The following RORA variants were observed in gnomAD, a reference collection of about 807,000 sequenced individuals.
RORA encodes the protein nuclear receptor ROR-alpha.
A neutral mutation model predicts 69.5 loss-of-function variants in RORA; 7 were observed. The observed-to-expected ratio is 0.10, with a 90% confidence interval of 0.06 to 0.19. The LOEUF is 0.19. Ranked by LOEUF, RORA falls within the 10% of genes least tolerant of loss-of-function variation. The pLI is 1.00. For missense variants in RORA, 457 were observed against 663.0 expected, an observed-to-expected ratio of 0.69 and a Z score of 3.41; for synonymous variants, 261 against 240.8, an observed-to-expected ratio of 1.08 and a Z score of -0.78.
intron 5 of RORA, chr15:60,510,268 T>C (rs2065653136): frequency 6.6e-6 from 1 of 152,198 alleles, no homozygotes; most frequent in Non-Finnish European, 1.5e-5. Context: ...CAGATCAAAT[T>C]TAAAAACTAC....
intron 1 of RORA, among the ~76,000 whole-genome samples, chr15:60,934,075 C>T (rs922780): frequency 0.16 from 24,574 of 152,206 alleles, 2,023 homozygotes; most frequent in Admixed American, 0.21. Flanking sequence ...GGGTGGGTCA[C>T]AGTGCCCTCT....
intron 1 of RORA, among the ~76,000 whole-genome samples, chr15:60,769,555 T>C (rs190801676): frequency 6.6e-6 from 1 of 152,296 alleles, no homozygotes. Context: ...CCTTGAATGT[T>C]CTAGTCACCA....
chr15:60,833,945 C>T (rs780318827), intron 1 of RORA, among the ~76,000 whole-genome samples: 3 of 152,162 alleles, frequency 2.0e-5, no homozygotes, highest in Non-Finnish European at 2.9e-5. Context: ...GAACTGGACA[C>T]TATAGGAATA....
In RORA at chr15:60,610,197, G is replaced by GCCACAC. The variant is rs1432640485; in HGVS notation, c.196+68459_196+68460insGTGTGG. 1.8e-3 allele frequency among the ~76,000 whole-genome samples: 118 copies of GCCACAC among 66,896 alleles called. 1 individual carries two copies. Among genetic ancestry groups the GCCACAC allele is most frequent in the Non-Finnish European group, 2.0e-4 (7 of 34,358 alleles). The allele number at this position is 66,896 out of a possible 152,430, so 43.9% of individuals were successfully genotyped here. A position where few individuals can be genotyped will look rare whatever the true frequency, so the allele number is the denominator to read the frequency against. ...TCAATCATTCTAAAGTGTCGTGTAAGTCACACACACACACACACACACACA... is the reference window on the plus strand; with the variant it reads ...TCAATCATTCTAAAGTGTCGTGTAAGCCACACTCACACACACACACACACACACACA... On this transcript the variant is annotated intron_variant, in intron 2 of 10. Coordinates refer to ENST00000335670, the MANE Select transcript of RORA (RefSeq NM_134261.3).
intron 5 of RORA, among the ~76,000 whole-genome samples, chr15:60,509,198 A>G (rs148445979): frequency 2.6e-5 from 4 of 152,272 alleles, no homozygotes; most frequent in African/African-American, 7.2e-5. Context: ...CTTTCATGAT[A>G]CTCTTAGCTC....
Position 61,061,617 on chromosome 15 carries a change from T to C in RORA, c.166+167436A>G, listed in dbSNP as rs1040685167. Reference sequence around the variant, plus strand: ...TATGGTTGATTCATTCCTAGGTATATTAAAAATAATTCAGGTTTACATAAT... The same window carrying C: ...TATGGTTGATTCATTCCTAGGTATACTAAAAATAATTCAGGTTTACATAAT... On this transcript the variant is annotated intron_variant, in intron 1 of 10. Coordinates refer to ENST00000335670, the MANE Select transcript of RORA (RefSeq NM_134261.3). This position sits in a 1 kb window ranked among gnomAD's most constrained non-coding sequence, Gnocchi z 4.4. Among the ~76,000 whole-genome samples, 1 of 152,114 alleles carries C rather than the reference T, an allele frequency of 6.6e-6. No homozygotes were observed. Among genetic ancestry groups the C allele is most frequent in the African/African-American group, 2.4e-5 (1 of 41,404 alleles).
chr15:61,172,628 G>C (rs898427313), intron 1 of RORA, among the ~76,000 whole-genome samples: 50 of 152,260 alleles, frequency 3.3e-4, no homozygotes, highest in African/African-American at 1.1e-3. Context: ...CCAATTCAGA[G>C]ACTGCTTATC....
chr15:61,200,622 T>G (rs578135683), intron 1 of RORA, among the ~76,000 whole-genome samples: 1 of 152,210 alleles, frequency 6.6e-6, no homozygotes, highest in Non-Finnish European at 1.5e-5. Flanking sequence ...TTGTTCACAA[T>G]TGTGGCACCT....
chr15:60,765,016 C>T (rs1273925941), intron 1 of RORA: 1 of 151,956 alleles, frequency 6.6e-6, no homozygotes, highest in Non-Finnish European at 1.5e-5. Flanking sequence ...CATGTGTTGC[C>T]TTCATTGCTA....
chr15:61,186,575 A>G (rs1316300991), intron 1 of RORA, among the ~76,000 whole-genome samples: 1 of 127,174 alleles, frequency 7.9e-6, no homozygotes, highest in Non-Finnish European at 1.6e-5. Context: ...GGGGAGGTGG[A>G]GGTTACAGTG....
At chr15:60,547,508 G>A (rs964580608) in intron 2 of RORA, among the ~76,000 whole-genome samples, 1 of 151,716 alleles carries the variant, frequency 6.6e-6, no homozygotes, top group Non-Finnish European at 1.5e-5. Flanking sequence ...TGTATTTTTA[G>A]TAGAGACGGG....
At chr15:60,696,529 C>G (rs546759767) in intron 1 of RORA, among the ~76,000 whole-genome samples, 14 of 152,316 alleles carry the variant, frequency 9.2e-5, no homozygotes, top group Admixed American at 4.6e-4. Flanking sequence ...AGCCTTTCCA[C>G]TCTACCCTCC....
intron 2 of RORA, among the ~76,000 whole-genome samples, chr15:60,542,459 C>T (rs1251614281): frequency 1.3e-5 from 2 of 150,778 alleles, no homozygotes; most frequent in Admixed American, 1.3e-4. Context: ...CACAGGCACA[C>T]CTCACACACA....
chr15:61,175,667 T>C (rs1032027170), intron 1 of RORA, among the ~76,000 whole-genome samples: 31 of 151,468 alleles, frequency 2.0e-4, no homozygotes, highest in African/African-American at 7.5e-4. Flanking sequence ...CAATGAGCCA[T>C]AATTGTGTCA....
intron 1 of RORA, among the ~76,000 whole-genome samples, chr15:60,742,636 C>T (rs2071589440): frequency 6.6e-6 from 1 of 152,124 alleles, no homozygotes; most frequent in Non-Finnish European, 1.5e-5. Context: ...CTCCTTGATC[C>T]CCCCAAGCCT....
intron 1 of RORA, among the ~76,000 whole-genome samples, chr15:60,951,198 A>G (rs964789374): frequency 6.6e-6 from 1 of 152,152 alleles, no homozygotes; most frequent in African/African-American, 2.4e-5. Flanking sequence ...TAGTGGATAC[A>G]TAACGAAACG....
intron 1 of RORA, among the ~76,000 whole-genome samples, chr15:60,866,721 G>A (rs2073491543): frequency 6.6e-6 from 1 of 152,160 alleles, no homozygotes; most frequent in Non-Finnish European, 1.5e-5. Context: ...ATTCCAGGTT[G>A]CTGAAGACAT....
intron 2 of RORA, among the ~76,000 whole-genome samples, chr15:60,620,306 C>A (rs75166039): frequency 1.8e-3 from 281 of 152,258 alleles, no homozygotes; most frequent in Non-Finnish European, 3.2e-3. Flanking sequence ...AGGACAGGGA[C>A]CACATCTCAT....
chr15:60,579,645 C>T (rs1466049101), intron 2 of RORA, among the ~76,000 whole-genome samples: 2 of 152,180 alleles, frequency 1.3e-5, no homozygotes, highest in African/African-American at 4.8e-5. Context: ...TCAGTGCCCC[C>T]TCCATCTCAC....
Sources: gnomAD v4.1 joint callset for allele counts (sites outside exome capture counted in the v4.1 genomes callset) on GRCh38, gnomAD v4.1.1 for gene constraint, Gnocchi (gnomAD v3.1) non-coding constraint, MANE v1.5 for transcripts, NCBI Gene and HGNC (gene_info 2026-07-23, HGNC 2026-07-21) for gene names.